Variants in CBLL1 observed in about 807,000 individuals in gnomAD.
CBLL1 encodes the protein Cbl proto-oncogene like 1.
CBLL1 carries 4 observed loss-of-function variants against 44.9 expected under a neutral mutation model. The ratio of observed to expected loss-of-function variants is 0.09; its 90% CI spans 0.04 to 0.20. CBLL1 has a LOEUF of 0.20. Among genes scored for constraint, CBLL1 ranks in the 10% least tolerant of loss-of-function variants. The pLI, the probability that CBLL1 is intolerant of heterozygous loss-of-function variation, is 1.00. For synonymous variants in CBLL1, 235 were observed against 202.2 expected (o/e 1.16, Z -1.38); for missense variants, 569 against 636.7 (o/e 0.89, Z 1.14).
At chr7:107,749,097 G>A (rs1226367246) in intron 2 of CBLL1, 50 bp downstream of exon 2, 1 of 1,549,136 alleles carries the variant, frequency 6.5e-7, no homozygotes, top group African/African-American at 1.4e-5. Context: ...TTATCTGATT[G>A]CTTCGGACAG....
At chr7:107,752,460 G>C (rs1001363367) in intron 2 of CBLL1, 8 of 529,546 alleles carry the variant, frequency 1.5e-5, no homozygotes, top group African/African-American at 5.9e-5. Context: ...GTGTGTGTGT[G>C]TGTGTCTGTG....
intron 1 of CBLL1, among the ~76,000 whole-genome samples, chr7:107,745,715 TAAATAC>T (rs1792982819): frequency 6.6e-6 from 1 of 152,196 alleles, no homozygotes; most frequent in South Asian, 2.1e-4. Flanking sequence ...GCAGCTTCAG[TAAATAC>T]TCTGGTGGTG....
rs181316214 is a variant in CBLL1, at chr7:107,758,072, A to G, written c.441-71A>G. On this transcript the variant is annotated intron_variant, in intron 5 of 5. Coordinates refer to ENST00000440859, the MANE Select transcript of CBLL1 (RefSeq NM_024814.4). This position sits in a 1 kb window ranked among gnomAD's most constrained non-coding sequence, Gnocchi z 4.2. ...TAACAGTCAAATTTTAAAAACAAGCATATTTTTGAAAATTACATAATTTTT... is the reference window on the plus strand; with the variant it reads ...TAACAGTCAAATTTTAAAAACAAGCGTATTTTTGAAAATTACATAATTTTT... 2.3e-5 allele frequency: 31 copies of G among 1,363,452 alleles called. No homozygotes were observed. The Middle Eastern group carries it at 9.8e-4, about 43-fold the overall frequency. The allele number at this position is 1,363,452 out of a possible 1,614,324, so 84.5% of individuals were successfully genotyped here.
chr7:107,747,274 A>G (rs1793065801), intron 1 of CBLL1, among the ~76,000 whole-genome samples: 1 of 152,230 alleles, frequency 6.6e-6, no homozygotes, highest in Non-Finnish European at 1.5e-5. Flanking sequence ...TCAAGTGTTC[A>G]GGATGGTGTG....
In CBLL1 at chr7:107,759,338, G is replaced by A. The variant is rs62467974; in HGVS notation, c.*160G>A. On this transcript the variant is annotated 3_prime_UTR_variant, in exon 6 of 6. Transcript: ENST00000440859. ...AAATGGTTTTAAATCTTGACCTTAA[G>A]ATTGATTTCAAGTACCATACTGTAG... The A allele has an allele frequency of 1.5e-6, 1 of 648,188 alleles. No homozygotes were observed. Among genetic ancestry groups the A allele is most frequent in the Non-Finnish European group, 2.6e-6 (1 of 386,280 alleles). 40.2% of individuals were successfully genotyped at this position (648,188 alleles called of 1,614,324 possible). A position where few individuals can be genotyped will look rare whatever the true frequency, so the allele number is the denominator to read the frequency against.
rs554493051 is a variant in CBLL1 at position 107,745,992 on chromosome 7, A to G, written c.13+1816A>G. The stretch of plus-strand genomic sequence containing the variant: ...TTTGGAAGTTAGTACCTTTATTTAT[A>G]GCTGGTATTTTAAAGCATGAGGACA... On this transcript the variant is annotated intron_variant, in intron 1 of 5. Transcript: ENST00000440859. Among the ~76,000 whole-genome samples, 8 of 152,304 alleles carry G rather than the reference A, an allele frequency of 5.3e-5. No individual in the cohort carries two copies. The South Asian group carries it at 1.7e-3, about 32-fold the overall frequency.
At chr7:107,757,117 G>C (rs1380803023) in intron 5 of CBLL1, among the ~76,000 whole-genome samples, 1 of 152,012 alleles carries the variant, frequency 6.6e-6, no homozygotes, top group African/African-American at 2.4e-5. Context: ...AGAGTATAGA[G>C]CCATTTAGTA....
intron 5 of CBLL1, among the ~76,000 whole-genome samples, chr7:107,756,522 T>G (rs1004996728): frequency 8.5e-5 from 13 of 152,146 alleles, no homozygotes; most frequent in African/African-American, 3.1e-4. Context: ...ATATCACTTG[T>G]TTTTTGGGTG....
chr7:107,761,314 C>T lies in CBLL1; in HGVS notation c.*2136C>T, dbSNP rs1793748498. 1 of 151,862 alleles carries T rather than the reference C, an allele frequency of 6.6e-6. No individual in the cohort carries two copies. Among genetic ancestry groups the T allele is most frequent in the African/African-American group, 2.4e-5 (1 of 41,278 alleles). The allele number at this position is 151,862 out of a possible 1,614,324, so 9.4% of individuals were successfully genotyped here. On this transcript the variant is annotated 3_prime_UTR_variant, in exon 6 of 6. Transcript: ENST00000440859. ...TGATAAAATTTTGAATTAAGAGAAC[C>T]CTTGTAGAGTTTTTAAAAAATGATT... is the stretch of plus-strand genomic sequence containing the variant.
At chr7:107,748,750 T>G in intron 1 of CBLL1, 130 bp from the exon 2 acceptor site, 1 of 684,604 alleles carries the variant, frequency 1.5e-6, no homozygotes, top group Non-Finnish European at 2.4e-6. Flanking sequence ...TTAAACTTAA[T>G]GTAATATTGA....
chr7:107,751,141 G>C (rs1247912588), intron 2 of CBLL1, among the ~76,000 whole-genome samples: 1 of 152,122 alleles, frequency 6.6e-6, no homozygotes, highest in Non-Finnish European at 1.5e-5. Context: ...GTGATGGCAG[G>C]GTGCGGGGAG....
chr7:107,744,371 A>G (rs995464965), intron 1 of CBLL1, 195 bp downstream of exon 1: 2 of 601,932 alleles, frequency 3.3e-6, no homozygotes, highest in Admixed American at 3.9e-5. Flanking sequence ...TGTGGTACCT[A>G]CCTCCTCCGT....
At position 107,759,111 on chromosome 7, in the gene CBLL1, C is replaced by T; in HGVS notation, c.1409C>T (p.Pro470Leu). 6.2e-7 allele frequency: 1 copy of T among 1,614,080 alleles called. No individual in the cohort carries two copies. Among genetic ancestry groups the T allele is most frequent in the Admixed American group, 1.7e-5 (1 of 60,014 alleles). Residue 470 changes from proline (P) to leucine (L), a missense_variant, in exon 6 of 6, where the codon CCT becomes CTT. Coordinates refer to ENST00000440859, the MANE Select transcript of CBLL1 (RefSeq NM_024814.4). Reference sequence around the variant, plus strand: ...CCACCTCCACGATTGCAGGGTCCGCCTTCTCAAACCCCACTTCCTGGACCA... The same window carrying T: ...CCACCTCCACGATTGCAGGGTCCGCTTTCTCAAACCCCACTTCCTGGACCA... The part of the protein sequence containing the change: ...PPPPPRLQGP[P>L]SQTPLPGPHH...
intron 1 of CBLL1, among the ~76,000 whole-genome samples, chr7:107,747,237 T>C (rs1367261278): frequency 6.6e-6 from 1 of 152,182 alleles, no homozygotes; most frequent in East Asian, 1.9e-4. Flanking sequence ...TTGAAAGTGG[T>C]AGACTATGCA....
chr7:107,755,474 A>G lies in CBLL1; in HGVS notation c.423A>G (p.Gly141=). Residue 141 remains glycine (G), a synonymous_variant, in exon 5 of 6, where the codon GGA becomes GGG. Transcript: ENST00000440859. The part of the protein sequence containing the change: ...YDCAILHEKK[G]DKMCPGCSDP... ...GTGCTATTTTACATGAAAAAAAGGG[A>G]GATAAGATGTGTCCAGGGTAAGATA... The G allele has an allele frequency of 6.3e-7, 1 of 1,581,526 alleles. No homozygotes were observed. Among genetic ancestry groups the G allele is most frequent in the Non-Finnish European group, 8.6e-7 (1 of 1,160,204 alleles).
chr7:107,744,158 C>A lies in CBLL1; in HGVS notation c.-6C>A. On this transcript the variant is annotated 5_prime_UTR_variant, in exon 1 of 6. Transcript: ENST00000440859. ...TCCGCTCCCACTGTGCTCTGCGAGC[C>A]GAATCATGGATCACACTGGTAAGGA... is the stretch of plus-strand genomic sequence containing the variant. The A allele has an allele frequency of 6.4e-7, 1 of 1,554,206 alleles. No individual in the cohort carries two copies. Among genetic ancestry groups the A allele is most frequent in the East Asian group, 2.4e-5 (1 of 41,522 alleles).
At position 107,753,445 on chromosome 7, in the gene CBLL1, C is replaced by T; in HGVS notation, c.216C>T (p.Asp72=). The T allele has an allele frequency of 6.3e-7, 1 of 1,588,808 alleles. No homozygotes were observed. Among genetic ancestry groups the T allele is most frequent in the Admixed American group, 1.8e-5 (1 of 54,828 alleles). The change falls in exon 3 of 6, where the codon GAC becomes GAT. Residue 72 remains aspartate (D), a synonymous_variant. Transcript: ENST00000440859. ...ATTATAATGAAGAAGAACGGTATGA[C>T]TGTAAAGGGGGTGAGCTGTTTGCAA... ...GFDYNEEERY[D]CKGGELFANQ...
At chr7:107,749,623 A>G (rs144026579) in intron 2 of CBLL1, among the ~76,000 whole-genome samples, 2,069 of 148,640 alleles carry the variant, frequency 0.014, 39 homozygotes, top group African/African-American at 0.048. Context: ...TTTAAGAGCA[A>G]TTTGACAGTA....
intron 1 of CBLL1, among the ~76,000 whole-genome samples, chr7:107,747,081 G>A (rs1260032739): frequency 1.3e-5 from 2 of 152,104 alleles, no homozygotes; most frequent in Non-Finnish European, 2.9e-5. Context: ...GTATTCAAAA[G>A]GAAATAGTGC....
Sources: gnomAD v4.1 joint callset for allele counts (sites outside exome capture counted in the v4.1 genomes callset) on GRCh38, gnomAD v4.1.1 for gene constraint, Gnocchi (gnomAD v3.1) non-coding constraint, MANE v1.5 for transcripts, NCBI Gene and HGNC (gene_info 2026-07-23, HGNC 2026-07-21) for gene names.